The following CSMD1 variants were observed in gnomAD, a reference collection of about 807,000 sequenced individuals.
The protein encoded by CSMD1 is CUB and Sushi multiple domains 1.
Under a neutral mutation model 417.5 loss-of-function variants are expected in CSMD1, and 213 were observed. That is an observed-to-expected ratio of 0.51 (90% CI 0.46 to 0.57). CSMD1 has a LOEUF of 0.57. Ranked by LOEUF, CSMD1 falls within the 20% of genes least tolerant of loss-of-function variation. The probability of loss-of-function intolerance (pLI) is 0.00; values close to 1 mark genes in which losing one functional copy is unlikely to be tolerated. For synonymous variants in CSMD1, 2,862 were observed against 1,736.8 expected, an observed-to-expected ratio of 1.65 and a Z score of -16.11; for missense variants, 6,923 against 4,529.7, an observed-to-expected ratio of 1.53 and a Z score of -15.17.
chr8:3,689,071 C>G (rs1800095820), intron 7 of CSMD1, among the ~76,000 whole-genome samples: 1 of 152,158 alleles, frequency 6.6e-6, no homozygotes, highest in Non-Finnish European at 1.5e-5. Flanking sequence ...GTGACTGATA[C>G]ACTTATTCCC....
intron 3 of CSMD1, among the ~76,000 whole-genome samples, chr8:4,075,982 T>C (rs767635610): frequency 1.3e-4 from 20 of 152,196 alleles, no homozygotes; most frequent in Admixed American, 3.9e-4. Flanking sequence ...ATAGAATTGT[T>C]TCTTTCTCTG....
chr8:3,846,405 A>G (rs769846976), intron 5 of CSMD1, among the ~76,000 whole-genome samples: 3 of 151,726 alleles, frequency 2.0e-5, no homozygotes, highest in Non-Finnish European at 4.4e-5. Context: ...ATAGATAAAC[A>G]TATGTAAGTT....
intron 2 of CSMD1, among the ~76,000 whole-genome samples, chr8:4,440,465 C>G (rs577358037): frequency 2.6e-5 from 4 of 151,292 alleles, no homozygotes; most frequent in African/African-American, 7.3e-5. Context: ...TTGTTACTCA[C>G]AAAAAAAAAT....
chr8:4,304,991 C>T (rs763956547), intron 3 of CSMD1, among the ~76,000 whole-genome samples: 3 of 152,164 alleles, frequency 2.0e-5, no homozygotes, highest in Non-Finnish European at 2.9e-5. Context: ...ATGCCAATGC[C>T]TGTTCTTACA....
intron 5 of CSMD1, among the ~76,000 whole-genome samples, chr8:3,927,858 A>C (rs1411062395): frequency 6.6e-6 from 1 of 152,186 alleles, no homozygotes; most frequent in Admixed American, 6.5e-5. Context: ...TTTTTATAAA[A>C]TAGTTTCATA....
intron 1 of CSMD1, among the ~76,000 whole-genome samples, chr8:4,692,964 T>C (rs1463278008): frequency 6.6e-6 from 1 of 152,214 alleles, no homozygotes; most frequent in East Asian, 1.9e-4. Flanking sequence ...AGAGGTCACC[T>C]GCCTTATTTC....
At chr8:3,050,760 G>A (rs144001149) in intron 50 of CSMD1, among the ~76,000 whole-genome samples, 101 of 152,154 alleles carry the variant, frequency 6.6e-4, no homozygotes, top group African/African-American at 1.6e-3. Context: ...GAACTCAACC[G>A]CCTTCCATAA....
At chr8:4,366,275 G>A (rs1802065664) in intron 3 of CSMD1, among the ~76,000 whole-genome samples, 1 of 150,064 alleles carries the variant, frequency 6.7e-6, no homozygotes, top group Non-Finnish European at 1.5e-5. Flanking sequence ...CTGTTTTATG[G>A]CTGCATAGTG....
intron 3 of CSMD1, among the ~76,000 whole-genome samples, chr8:4,084,510 G>C (rs1444917124): frequency 1.3e-5 from 2 of 152,012 alleles, no homozygotes; most frequent in Non-Finnish European, 2.9e-5. Flanking sequence ...TTTTAATCCT[G>C]TTTTTATTTT....
At chr8:3,608,866 G>T (rs774061841) in intron 8 of CSMD1, among the ~76,000 whole-genome samples, 1 of 152,068 alleles carries the variant, frequency 6.6e-6, no homozygotes, top group Non-Finnish European at 1.5e-5. Context: ...CCCTTGCAGT[G>T]ATCAATTAAA....
chr8:4,772,089 C>T (rs1796628046), intron 1 of CSMD1, among the ~76,000 whole-genome samples: 1 of 152,190 alleles, frequency 6.6e-6, no homozygotes, highest in African/African-American at 2.4e-5. Context: ...TTCCTGCAGG[C>T]TTGACGGGGA....
rs548417849 is a variant in CSMD1, at chr8:4,361,072, G to A, written c.415+58881C>T. On this transcript the variant is annotated intron_variant, in intron 3 of 69. Coordinates refer to ENST00000635120, the MANE Select transcript of CSMD1 (RefSeq NM_033225.6). ...AAAACTGGATTTTTCGTGCCCAACA[G>A]ATGTTTTGTCAGTTCTCATGCTACA... Among the ~76,000 whole-genome samples, 137 of 152,296 alleles carry A rather than the reference G, an allele frequency of 9.0e-4. 1 individual carries two copies. The highest frequency in any genetic ancestry group is 3.2e-3 in the African/African-American group (132 of 41,558).
At chr8:3,013,811 A>C (rs1302700214) in intron 52 of CSMD1, among the ~76,000 whole-genome samples, 2 of 152,096 alleles carry the variant, frequency 1.3e-5, no homozygotes, top group Admixed American at 1.3e-4. Context: ...CATCACCACA[A>C]ATGCATAGCA....
At chr8:3,324,193 T>C (rs155331) in intron 23 of CSMD1, among the ~76,000 whole-genome samples, 68,743 of 102,506 alleles carry the variant, frequency 0.67, 21,798 homozygotes, top group Admixed American at 0.75. Context: ...CACCTTTCAT[T>C]GTTGTTAAAA....
At chr8:4,705,981 C>T (rs1369683537) in intron 1 of CSMD1, among the ~76,000 whole-genome samples, 1 of 151,414 alleles carries the variant, frequency 6.6e-6, no homozygotes, top group East Asian at 1.9e-4. Context: ...CTTAGGATGA[C>T]CTTTATGAAC....
At chr8:3,994,010 T>G (rs373429082) in intron 5 of CSMD1, among the ~76,000 whole-genome samples, 1 of 152,084 alleles carries the variant, frequency 6.6e-6, no homozygotes, top group South Asian at 2.1e-4. Flanking sequence ...TGGGCGTGCC[T>G]GGCAGGGAGG....
At chr8:4,175,932 G>C (rs550799029) in intron 3 of CSMD1, among the ~76,000 whole-genome samples, 2 of 152,102 alleles carry the variant, frequency 1.3e-5, no homozygotes, top group Admixed American at 6.5e-5. Context: ...TCACTGTGCA[G>C]GTGCTGTCGA....
chr8:3,734,444 C>G (rs531657981), intron 6 of CSMD1, among the ~76,000 whole-genome samples: 1 of 152,208 alleles, frequency 6.6e-6, no homozygotes, highest in Non-Finnish European at 1.5e-5. Flanking sequence ...GGTGCGATGG[C>G]TCACGCCTGT....
At chr8:3,821,089 T>G (rs1350836921) in intron 5 of CSMD1, among the ~76,000 whole-genome samples, 1 of 151,950 alleles carries the variant, frequency 6.6e-6, no homozygotes, top group Non-Finnish European at 1.5e-5. Context: ...GTTACTTTTT[T>G]GTATTTTTAG....
Sources: allele counts gnomAD v4.1 joint callset (sites outside exome capture counted in the v4.1 genomes callset), GRCh38; gene constraint gnomAD v4.1.1; transcripts MANE v1.5; gene names NCBI Gene and HGNC (gene_info 2026-07-23, HGNC 2026-07-21).